Variants in TBC1D12 observed in about 807,000 individuals in gnomAD.
TBC1D12 encodes the protein TBC1 domain family member 12.
In TBC1D12, 56 loss-of-function variants were observed where a neutral mutation model predicts 86.7. The ratio of observed to expected loss-of-function variants is 0.65; its 90% CI spans 0.52 to 0.81. The LOEUF is 0.81. Among genes scored for constraint, TBC1D12 ranks in the 30% least tolerant of loss-of-function variants. TBC1D12 has a pLI of 0.00. For missense variants in TBC1D12, 1,023 were observed against 1,038.8 expected (o/e 0.98, Z 0.21); for synonymous variants, 421 against 411.7 (o/e 1.02, Z -0.27).
chr10:94,507,741 T>C (rs552165277), intron 7 of TBC1D12, among the ~76,000 whole-genome samples: 29 of 152,274 alleles, frequency 1.9e-4, no homozygotes, highest in South Asian at 8.3e-4. Flanking sequence ...ATCCTGGCAC[T>C]TTGGGGGGCC....
At chr10:94,428,111 T>C (rs2055170846) in intron 1 of TBC1D12, among the ~76,000 whole-genome samples, 1 of 151,980 alleles carries the variant, frequency 6.6e-6, no homozygotes, top group African/African-American at 2.4e-5. Context: ...ACAATATGAA[T>C]GTGATTAAAA....
chr10:94,457,163 G>T (rs2055640272), intron 2 of TBC1D12, among the ~76,000 whole-genome samples: 1 of 152,182 alleles, frequency 6.6e-6, no homozygotes. Context: ...AGGTATGCAT[G>T]TGCCATGGTT....
At chr10:94,436,951 C>A (rs2055308881) in intron 1 of TBC1D12, among the ~76,000 whole-genome samples, 1 of 152,054 alleles carries the variant, frequency 6.6e-6, no homozygotes, top group Non-Finnish European at 1.5e-5. Flanking sequence ...CGTGATCTAC[C>A]TGCCTTGGCC....
chr10:94,405,472 A>C (rs976432310), intron 1 of TBC1D12, among the ~76,000 whole-genome samples: 3 of 152,192 alleles, frequency 2.0e-5, no homozygotes, highest in African/African-American at 7.2e-5. Flanking sequence ...CTGTATTTGT[A>C]ATATAGTTGC....
chr10:94,491,023 T>G, intron 3 of TBC1D12, among the ~76,000 whole-genome samples: 1 of 152,178 alleles, frequency 6.6e-6, no homozygotes, highest in East Asian at 1.9e-4. Flanking sequence ...ACTCTAAACT[T>G]TCTCCTCACC....
In TBC1D12 at chr10:94,504,339, G is replaced by GT. The variant is rs1425655874; in HGVS notation, c.1520-2923dup. Reference sequence around the variant, plus strand: ...TTGTGATACTATAATCAAAAGGTTCGTTTTTAGCTTGAAATTTATAGTTTT... The same window carrying GT: ...TTGTGATACTATAATCAAAAGGTTCGTTTTTTAGCTTGAAATTTATAGTTTT... On this transcript the variant is annotated intron_variant, in intron 6 of 12. Transcript: ENST00000225235. 7.9e-5 allele frequency among the ~76,000 whole-genome samples: 12 copies of GT among 152,182 alleles called. No homozygotes were observed. In the South Asian group the frequency reaches 1.4e-3, roughly 18 times the overall value.
At chr10:94,497,027 T>A in intron 4 of TBC1D12, 28 bp from the exon 5 acceptor site, 1 of 1,384,538 alleles carries the variant, frequency 7.2e-7, no homozygotes, top group Non-Finnish European at 9.9e-7. Flanking sequence ...TTATTTGTAT[T>A]GAAATAATTT....
chr10:94,483,590 T>G (rs984993248), intron 3 of TBC1D12, among the ~76,000 whole-genome samples: 1 of 152,240 alleles, frequency 6.6e-6, no homozygotes, highest in Non-Finnish European at 1.5e-5. Context: ...ATATTTTACC[T>G]ATTTTTAAAT....
intron 1 of TBC1D12, among the ~76,000 whole-genome samples, chr10:94,416,006 A>C (rs2054993575): frequency 1.3e-5 from 2 of 152,188 alleles, no homozygotes; most frequent in African/African-American, 4.8e-5. Context: ...ATAACTAGCC[A>C]CTTATTTTAA....
chr10:94,477,207 C>T (rs1329202358), intron 3 of TBC1D12, among the ~76,000 whole-genome samples: 14 of 152,066 alleles, frequency 9.2e-5, no homozygotes, highest in Admixed American at 9.2e-4. Flanking sequence ...TGAATTTGGT[C>T]TCTAGTGTTC....
At chr10:94,450,822 C>T (rs530095653) in intron 2 of TBC1D12, among the ~76,000 whole-genome samples, 2 of 152,032 alleles carry the variant, frequency 1.3e-5, no homozygotes, top group South Asian at 4.1e-4. Flanking sequence ...CAAGCATATA[C>T]TATTCAGCCA....
At chr10:94,528,092 TG>T (rs1564994252) in intron 11 of TBC1D12, among the ~76,000 whole-genome samples, 1 of 152,110 alleles carries the variant, frequency 6.6e-6, no homozygotes, top group Non-Finnish European at 1.5e-5. Context: ...AATTTTAGGA[TG>T]GTTTTTTTAT....
chr10:94,434,671 C>T (rs746690996), intron 1 of TBC1D12, among the ~76,000 whole-genome samples: 4 of 151,972 alleles, frequency 2.6e-5, no homozygotes, highest in Non-Finnish European at 4.4e-5. Context: ...TTTGGGAGGC[C>T]GAGGCGGGAA....
intron 5 of TBC1D12, 39 bp from the exon 6 acceptor site, chr10:94,500,182 A>G: frequency 1.9e-6 from 3 of 1,586,620 alleles, no homozygotes; most frequent in Non-Finnish European, 2.6e-6. Flanking sequence ...TTTGGTATAA[A>G]AAGTAACTTT....
intron 1 of TBC1D12, among the ~76,000 whole-genome samples, chr10:94,434,336 T>C (rs922421345): frequency 1.3e-5 from 2 of 151,478 alleles, no homozygotes; most frequent in Non-Finnish European, 2.9e-5. Flanking sequence ...TGAAACCCTG[T>C]CTCTACTAAA....
chr10:94,422,022 G>A (rs1051719660), intron 1 of TBC1D12, among the ~76,000 whole-genome samples: 3 of 151,984 alleles, frequency 2.0e-5, no homozygotes, highest in Non-Finnish European at 4.4e-5. Context: ...AGTAGACAAC[G>A]TTTTAAATTT....
Position 94,453,692 on chromosome 10 carries a change from T to C in TBC1D12, c.1095+11673T>C, listed in dbSNP as rs537343808. ...GTGTTGATCTAAAAAGTCATCACCA[T>C]ACTCAAGGCCATCTAAATTTTCTGT... On this transcript the variant is annotated intron_variant, in intron 2 of 12. Transcript: ENST00000225235. Among the ~76,000 whole-genome samples the C allele has an allele frequency of 3.3e-5, 5 of 152,292 alleles. No homozygotes were observed. In the South Asian group the frequency reaches 8.3e-4, roughly 25 times the overall value.
intron 2 of TBC1D12, among the ~76,000 whole-genome samples, chr10:94,465,735 CGTATACATACATACATAT>C (rs1564960371): frequency 2.0e-5 from 3 of 146,916 alleles, no homozygotes; most frequent in Admixed American, 6.7e-5. Context: ...TACATACATA[CGTATACATACATACATAT>C]GTATACATAC....
intron 2 of TBC1D12, among the ~76,000 whole-genome samples, chr10:94,469,950 G>C (rs2055879665): frequency 6.6e-6 from 1 of 152,202 alleles, no homozygotes; most frequent in Non-Finnish European, 1.5e-5. Context: ...GGACTGCAGA[G>C]ATTGTTTGCA....
Sources: gnomAD v4.1 joint callset for allele counts (sites outside exome capture counted in the v4.1 genomes callset) on GRCh38, gnomAD v4.1.1 for gene constraint, MANE v1.5 for transcripts, NCBI Gene and HGNC (gene_info 2026-07-23, HGNC 2026-07-21) for gene names.